LRMDA: variants seen among roughly 807,000 people sequenced by gnomAD.
LRMDA encodes the protein leucine rich melanocyte differentiation associated.
A neutral mutation model predicts 29.8 loss-of-function variants in LRMDA; 18 were observed. That is an observed-to-expected ratio of 0.60 (90% CI 0.42 to 0.90). The LOEUF (loss-of-function observed/expected upper bound fraction) is 0.90. Among genes scored for constraint, LRMDA ranks in the 40% least tolerant of loss-of-function variants. The probability of loss-of-function intolerance (pLI) is 0.00; values close to 1 mark genes in which losing one functional copy is unlikely to be tolerated. For synonymous variants in LRMDA, 125 were observed against 109.4 expected, an observed-to-expected ratio of 1.14 and a Z score of -0.89; for missense variants, 273 against 273.9, an observed-to-expected ratio of 1.00 and a Z score of 0.02.
chr10:75,583,514 G>A (rs1366599027), intron 2 of LRMDA, among the ~76,000 whole-genome samples: 4 of 152,086 alleles, frequency 2.6e-5, no homozygotes, highest in Non-Finnish European at 4.4e-5. Flanking sequence ...TGTGACCAAG[G>A]AAGACGGTGC....
intron 2 of LRMDA, among the ~76,000 whole-genome samples, chr10:75,691,196 A>G (rs1564541180): frequency 4.3e-5 from 6 of 140,914 alleles, no homozygotes; most frequent in African/African-American, 1.6e-4. Flanking sequence ...ATAGATATAT[A>G]TACACACACA....
intron 5 of LRMDA, among the ~76,000 whole-genome samples, chr10:76,115,744 G>A (rs1304434350): frequency 6.6e-6 from 1 of 152,098 alleles, no homozygotes; most frequent in Admixed American, 6.6e-5. Flanking sequence ...TATGATTAAT[G>A]TCCCCAAGGG....
intron 2 of LRMDA, among the ~76,000 whole-genome samples, chr10:75,638,614 G>A (rs1291379370): frequency 6.6e-6 from 1 of 152,162 alleles, no homozygotes; most frequent in South Asian, 2.1e-4. Context: ...GTGTGTTGTT[G>A]TACTTTAGCA....
At chr10:76,338,862 T>C (rs1295248695) in intron 6 of LRMDA, among the ~76,000 whole-genome samples, 2 of 152,268 alleles carry the variant, frequency 1.3e-5, no homozygotes, top group African/African-American at 4.8e-5. Context: ...AGACTCAAGA[T>C]GATTACTGAA....
intron 2 of LRMDA, among the ~76,000 whole-genome samples, chr10:75,728,652 G>A (rs1398096549): frequency 6.6e-6 from 1 of 152,116 alleles, no homozygotes; most frequent in Non-Finnish European, 1.5e-5. Context: ...CGGAGCACTG[G>A]GGAGGAGGCA....
chr10:76,373,136 G>T (rs992066033), intron 6 of LRMDA, among the ~76,000 whole-genome samples: 2 of 152,070 alleles, frequency 1.3e-5, no homozygotes, highest in African/African-American at 4.8e-5. Flanking sequence ...GTGTCTCTTT[G>T]TTTGCATTTT....
chr10:75,519,251 A>C, intron 2 of LRMDA, among the ~76,000 whole-genome samples: 1 of 152,114 alleles, frequency 6.6e-6, no homozygotes, highest in Non-Finnish European at 1.5e-5. Flanking sequence ...CATGTCCTGG[A>C]TATCCCTGTT....
intron 2 of LRMDA, among the ~76,000 whole-genome samples, chr10:75,823,282 T>C (rs752932986): frequency 1.1e-4 from 17 of 151,944 alleles, no homozygotes; most frequent in Non-Finnish European, 7.4e-5. Flanking sequence ...AAATAACCCA[T>C]TAAAAAGTGG....
At chr10:75,881,962 C>T (rs1001632748) in intron 2 of LRMDA, among the ~76,000 whole-genome samples, 1 of 152,134 alleles carries the variant, frequency 6.6e-6, no homozygotes, top group African/African-American at 2.4e-5. Flanking sequence ...TGTGGTGGGA[C>T]CTTGTTTGAC....
intron 5 of LRMDA, among the ~76,000 whole-genome samples, chr10:76,152,199 A>G (rs1850458360): frequency 6.6e-6 from 1 of 152,230 alleles, no homozygotes; most frequent in African/African-American, 2.4e-5. Flanking sequence ...TCAGCCCCTG[A>G]TAACCTTAAT....
At chr10:75,881,524 A>C (rs922680559) in intron 2 of LRMDA, among the ~76,000 whole-genome samples, 1 of 152,110 alleles carries the variant, frequency 6.6e-6, no homozygotes, top group African/African-American at 2.4e-5. Context: ...GGCAGATGGA[A>C]AATTGAAAGT....
At chr10:75,487,775 C>A (rs1454438848) in intron 2 of LRMDA, among the ~76,000 whole-genome samples, 1 of 152,186 alleles carries the variant, frequency 6.6e-6, no homozygotes, top group Non-Finnish European at 1.5e-5. Context: ...GTGGTCTGGG[C>A]TTTGCAGGGT....
intron 2 of LRMDA, among the ~76,000 whole-genome samples, chr10:75,544,026 A>G (rs1458286752): frequency 6.6e-6 from 1 of 152,140 alleles, no homozygotes; most frequent in Non-Finnish European, 1.5e-5. Flanking sequence ...CACACCAAGA[A>G]CCAACTTCAA....
At chr10:76,140,678 A>G (rs563879152) in intron 5 of LRMDA, among the ~76,000 whole-genome samples, 2 of 152,106 alleles carry the variant, frequency 1.3e-5, no homozygotes, top group African/African-American at 2.4e-5. Flanking sequence ...TCTCTCCCCA[A>G]GTACAGGGTG....
intron 2 of LRMDA, among the ~76,000 whole-genome samples, chr10:75,579,318 C>T (rs551496709): frequency 6.6e-6 from 1 of 152,284 alleles, no homozygotes; most frequent in South Asian, 2.1e-4. Context: ...ACTAAAGAAT[C>T]TAGAAGAAAT....
intron 2 of LRMDA, among the ~76,000 whole-genome samples, chr10:75,490,336 T>TACACACACACAC (rs56077469): frequency 6.7e-6 from 1 of 148,516 alleles, no homozygotes; most frequent in Non-Finnish European, 1.5e-5. Flanking sequence ...CATGTACACA[T>TACACACACACAC]ACACACACAC....
intron 2 of LRMDA, among the ~76,000 whole-genome samples, chr10:75,889,080 G>A (rs1049479786): frequency 8.5e-5 from 13 of 152,210 alleles, no homozygotes; most frequent in Non-Finnish European, 1.9e-4. Context: ...ATATGTGTGT[G>A]TGTGTATACA....
chr10:76,457,706 A>G (rs1231868994), intron 6 of LRMDA, among the ~76,000 whole-genome samples: 3 of 152,190 alleles, frequency 2.0e-5, no homozygotes, highest in Non-Finnish European at 4.4e-5. Context: ...AATATCTTAA[A>G]TAAGTTTCCT....
At chr10:76,150,883 A>G (rs775902117) in intron 5 of LRMDA, among the ~76,000 whole-genome samples, 6 of 152,198 alleles carry the variant, frequency 3.9e-5, no homozygotes, top group Non-Finnish European at 7.3e-5. Context: ...ATCCACTGAG[A>G]CGCAGTTTTG....
Sources: allele counts gnomAD v4.1 joint callset (sites outside exome capture counted in the v4.1 genomes callset), GRCh38; gene constraint gnomAD v4.1.1; transcripts MANE v1.5; gene names NCBI Gene and HGNC (gene_info 2026-07-23, HGNC 2026-07-21).